Variants in SKIC3 observed in about 807,000 individuals in gnomAD.
The protein encoded by SKIC3 is SKI3 subunit of superkiller complex, also known as superkiller complex protein 3.
the SKIC3 span, chr5:95,484,721 T>C: frequency 4.3e-6 from 7 of 1,613,968 alleles, no homozygotes; most frequent in Non-Finnish European, 5.9e-6. Flanking sequence ...TTCCATAAAA[T>C]ACCTTTGTGC....
chr5:95,554,518 T>C, the SKIC3 span, among the ~76,000 whole-genome samples: 1 of 152,196 alleles, frequency 6.6e-6, no homozygotes, highest in Non-Finnish European at 1.5e-5. Context: ...GCTTATCTCC[T>C]TTGCTCTCTG....
At chr5:95,514,003 G>T in the SKIC3 span, among the ~76,000 whole-genome samples, 3 of 152,152 alleles carry the variant, frequency 2.0e-5, no homozygotes, top group African/African-American at 7.2e-5. Flanking sequence ...GGGTTCAATG[G>T]CTGACACAGA....
the SKIC3 span, chr5:95,530,372 A>G: frequency 1.3e-6 from 1 of 771,580 alleles, no homozygotes; most frequent in East Asian, 2.7e-5. Flanking sequence ...AAATTTAAAT[A>G]GACCAGCAAA....
chr5:95,481,682 C>T, the SKIC3 span, among the ~76,000 whole-genome samples: 1 of 151,906 alleles, frequency 6.6e-6, no homozygotes, highest in South Asian at 2.1e-4. Flanking sequence ...AAATCTCATA[C>T]AGAAAACTTA....
At chr5:95,479,788 A>G in the SKIC3 span, among the ~76,000 whole-genome samples, 3 of 151,856 alleles carry the variant, frequency 2.0e-5, no homozygotes, top group Non-Finnish European at 4.4e-5. Context: ...ATAAGGTAGG[A>G]CTACTGCATT....
chr5:95,542,349 T>C, the SKIC3 span, among the ~76,000 whole-genome samples: 1 of 152,172 alleles, frequency 6.6e-6, no homozygotes, highest in Admixed American at 6.5e-5. Flanking sequence ...TTTTGATATA[T>C]GTATTCACTG....
chr5:95,523,940 T>G, the SKIC3 span: 1 of 1,201,588 alleles, frequency 8.3e-7, no homozygotes, highest in Non-Finnish European at 1.2e-6. Flanking sequence ...AGAAATAATT[T>G]CATTAAACAT....
At chr5:95,467,801 T>C in the SKIC3 span, 2 of 1,600,094 alleles carry the variant, frequency 1.2e-6, no homozygotes, top group Non-Finnish European at 1.7e-6. Flanking sequence ...AACCCTTAGA[T>C]CAAAGATAAA....
chr5:95,543,387 A>G, the SKIC3 span: 85 of 1,569,068 alleles, frequency 5.4e-5, no homozygotes, highest in Non-Finnish European at 6.8e-5. Flanking sequence ...TGAACTAACA[A>G]TAACAGAAAG....
chr5:95,490,554 G>A, the SKIC3 span, among the ~76,000 whole-genome samples: 2 of 149,658 alleles, frequency 1.3e-5, no homozygotes, highest in South Asian at 4.2e-4. Context: ...CTGGAGAGCG[G>A]TGGCGCAATC....
chr5:95,527,877 TA>T, the SKIC3 span: 11 of 915,958 alleles, frequency 1.2e-5, no homozygotes, highest in African/African-American at 6.7e-5. Flanking sequence ...GAATGACTTA[TA>T]AAAGTGCAGA....
chr5:95,534,408 G>A, the SKIC3 span, among the ~76,000 whole-genome samples: 4 of 151,868 alleles, frequency 2.6e-5, no homozygotes, highest in African/African-American at 4.8e-5. Context: ...TCCCCTCTGC[G>A]GGCTTCACTT....
At chr5:95,535,066 T>C in the SKIC3 span, among the ~76,000 whole-genome samples, 13 of 152,334 alleles carry the variant, frequency 8.5e-5, no homozygotes, top group East Asian at 2.5e-3. Context: ...CTATCTTCAC[T>C]ATCATACTCC....
chr5:95,546,860 T>A, the SKIC3 span: 1 of 578,712 alleles, frequency 1.7e-6, no homozygotes, highest in Non-Finnish European at 3.1e-6. Flanking sequence ...TTTGTTAAGT[T>A]ACCAATACAG....
the SKIC3 span, among the ~76,000 whole-genome samples, chr5:95,499,186 T>C: frequency 6.6e-6 from 1 of 152,194 alleles, no homozygotes; most frequent in Non-Finnish European, 1.5e-5. Context: ...CCAAATTCCA[T>C]GTTGAATTGT....
chr5:95,528,997 A>T, the SKIC3 span: 1 of 1,613,386 alleles, frequency 6.2e-7, no homozygotes, highest in African/African-American at 1.3e-5. Context: ...AGTATCAAAA[A>T]TACCTTGACT....
chr5:95,523,460 C>T, the SKIC3 span: 1 of 1,187,190 alleles, frequency 8.4e-7, no homozygotes, highest in Admixed American at 2.4e-5. Flanking sequence ...CATCAAATTA[C>T]AGTTTCAACA....
At chr5:95,507,808 A>C in the SKIC3 span, among the ~76,000 whole-genome samples, 1 of 152,200 alleles carries the variant, frequency 6.6e-6, no homozygotes, top group Non-Finnish European at 1.5e-5. Context: ...AAAGCAGAAA[A>C]CAGCAGTGAT....
chr5:95,498,254 G>T, the SKIC3 span: 2 of 1,026,658 alleles, frequency 1.9e-6, no homozygotes, highest in Non-Finnish European at 3.0e-6. Context: ...ATAAAACCAG[G>T]GTTTGGTTTT....
Sources: gnomAD v4.1 joint callset for allele counts (sites outside exome capture counted in the v4.1 genomes callset) on GRCh38, gnomAD v4.1.1 for gene constraint, MANE v1.5 for transcripts, NCBI Gene and HGNC (gene_info 2026-07-23, HGNC 2026-07-21) for gene names.